The following ZDHHC21 variants were observed in gnomAD, a reference collection of about 807,000 sequenced individuals.
ZDHHC21 encodes the protein zDHHC palmitoyltransferase 21.
A neutral mutation model predicts 34.6 loss-of-function variants in ZDHHC21; 15 were observed. The observed-to-expected ratio is 0.43, with a 90% CI of 0.29 to 0.67. The LOEUF (loss-of-function observed/expected upper bound fraction) is 0.67, where lower values mean the gene tolerates loss of function less well. ZDHHC21 is among the 30% of genes least tolerant of loss of function. The pLI is 0.14. For synonymous variants in ZDHHC21, 142 were observed against 101.8 expected, an observed-to-expected ratio of 1.40 and a Z score of -2.38; for missense variants, 344 against 327.7, an observed-to-expected ratio of 1.05 and a Z score of -0.38.
At chr9:14,600,638 G>A in the ZDHHC21 span, among the ~76,000 whole-genome samples, 1 of 152,006 alleles carries the variant, frequency 6.6e-6, no homozygotes, top group East Asian at 1.9e-4. Flanking sequence ...CACAGAACTA[G>A]AAAATACTAC....
chr9:14,597,786 G>A, the ZDHHC21 span, among the ~76,000 whole-genome samples: 1 of 152,134 alleles, frequency 6.6e-6, no homozygotes, highest in Non-Finnish European at 1.5e-5. Context: ...CAACAGGCCT[G>A]CTCTGCTCAC....
Position 14,614,516 on chromosome 9 carries a change from G to C in ZDHHC21, c.*4450C>G, listed in dbSNP as rs1170028432. 4 of 151,720 alleles carry C rather than the reference G, an allele frequency of 2.6e-5. No individual in the cohort carries two copies. In the South Asian group the frequency reaches 8.3e-4, roughly 31 times the overall value. The allele number at this position is 151,720 out of a possible 1,614,324, so 9.4% of individuals were successfully genotyped here. ...ATTAACATATAGAATTACAACACTG[G>C]TTCAAAATAGTTCAAGCAAGTTGGT... is the stretch of plus-strand genomic sequence containing the variant. On this transcript the variant is annotated 3_prime_UTR_variant, in exon 10 of 10. Transcript: ENST00000380916.
chr9:14,641,380 G>C (rs1353657070), intron 7 of ZDHHC21, among the ~76,000 whole-genome samples: 1 of 152,074 alleles, frequency 6.6e-6, no homozygotes, highest in Non-Finnish European at 1.5e-5. Context: ...AAAATGATGG[G>C]CCTGTGGATG....
In ZDHHC21 at chr9:14,611,705, C is replaced by T. The variant is rs1823328756; in HGVS notation, c.*7261G>A. ...CATTAAACTTGCCAGTTAGATCACA[C>T]ACAAAAAAACACTAATTCCAGGGAC... is the stretch of plus-strand genomic sequence containing the variant. On this transcript the variant is annotated 3_prime_UTR_variant, in exon 10 of 10. Coordinates refer to ENST00000380916, the MANE Select transcript of ZDHHC21 (RefSeq NM_178566.6). 6.6e-6 allele frequency: 1 copy of T among 151,894 alleles called. No homozygotes were observed. Among genetic ancestry groups the T allele is most frequent in the Non-Finnish European group, 1.5e-5 (1 of 67,902 alleles). 9.4% of individuals were successfully genotyped at this position (151,894 alleles called of 1,614,324 possible). A position where few individuals can be genotyped will look rare whatever the true frequency, so the allele number is the denominator to read the frequency against.
chr9:14,640,121 A>C, intron 7 of ZDHHC21, 109 bp from the exon 8 acceptor site: 1 of 563,136 alleles, frequency 1.8e-6, no homozygotes, highest in Non-Finnish European at 3.2e-6. Flanking sequence ...ATTATCTTAA[A>C]AGAACTACCT....
chr9:14,647,750 C>CT (rs1313551802), intron 7 of ZDHHC21, among the ~76,000 whole-genome samples: 1 of 152,102 alleles, frequency 6.6e-6, no homozygotes, highest in Non-Finnish European at 1.5e-5. Context: ...AGTCACCTTT[C>CT]TTATTACCTT....
chr9:14,662,368 G>A (rs749328105), intron 5 of ZDHHC21, 42 bp from the exon 6 acceptor site: 3 of 1,442,956 alleles, frequency 2.1e-6, no homozygotes, highest in Middle Eastern at 1.8e-4. Flanking sequence ...AAGGCAAGTG[G>A]GTAATGCTGA....
chr9:14,621,446 C>T (rs1825290083), intron 8 of ZDHHC21, among the ~76,000 whole-genome samples: 1 of 152,090 alleles, frequency 6.6e-6, no homozygotes, highest in South Asian at 2.1e-4. Context: ...CTTTTATTTT[C>T]AAGTGTTTTT....
chr9:14,633,560 C>G (rs529766006), intron 8 of ZDHHC21, among the ~76,000 whole-genome samples: 7 of 152,264 alleles, frequency 4.6e-5, no homozygotes, highest in Admixed American at 3.9e-4. Context: ...CAGCCCTCAC[C>G]AGACTGTATC....
In ZDHHC21 at chr9:14,643,696, T is replaced by C. The variant is rs986330160; in HGVS notation, c.505-3684A>G. On this transcript the variant is annotated intron_variant, in intron 7 of 9. Coordinates refer to ENST00000380916, the MANE Select transcript of ZDHHC21 (RefSeq NM_178566.6). The stretch of plus-strand genomic sequence containing the variant: ...GTCACTAATTCACATAGAATTATTA[T>C]TTAATTTTTTTGTGCACAGTGAAAG... Among the ~76,000 whole-genome samples the C allele has an allele frequency of 1.4e-4, 22 of 152,348 alleles. No individual in the cohort carries two copies. In the South Asian group the frequency reaches 2.5e-3, roughly 17 times the overall value.
At chr9:14,685,195 T>G (rs1436820911) in intron 2 of ZDHHC21, among the ~76,000 whole-genome samples, 1 of 151,104 alleles carries the variant, frequency 6.6e-6, no homozygotes, top group Admixed American at 6.6e-5. Context: ...AAGCCAAAAT[T>G]GACAAACGGG....
At chr9:14,591,785 CTT>C in the ZDHHC21 span, among the ~76,000 whole-genome samples, 1 of 152,052 alleles carries the variant, frequency 6.6e-6, no homozygotes, top group African/African-American at 2.4e-5. Flanking sequence ...AAATTATAAC[CTT>C]TCAGTATATC....
At chr9:14,678,583 A>T (rs1315411841) in intron 3 of ZDHHC21, among the ~76,000 whole-genome samples, 1 of 152,112 alleles carries the variant, frequency 6.6e-6, no homozygotes, top group Non-Finnish European at 1.5e-5. Flanking sequence ...TGGGCATGTA[A>T]GCTGATACAA....
intron 7 of ZDHHC21, among the ~76,000 whole-genome samples, chr9:14,650,713 C>G (rs947354153): frequency 6.6e-6 from 1 of 151,922 alleles, no homozygotes; most frequent in African/African-American, 2.4e-5. Context: ...AGGAACAGTT[C>G]TGACATCAAA....
downstream of ZDHHC21, among the ~76,000 whole-genome samples, chr9:14,608,479 C>T (rs1358074047): frequency 2.0e-5 from 3 of 152,118 alleles, no homozygotes; most frequent in Non-Finnish European, 4.4e-5. Context: ...CTAATTTCCT[C>T]AATAGTCTGG....
At position 14,625,662 on chromosome 9, in the gene ZDHHC21, G is replaced by A. The variant is rs570783295; in HGVS notation, c.622-5980C>T. ...ACTGCCTACTACCTACTTTTTGAGAGGGCTTGGAAAGAAATACCTCAATTA... is the reference window on the plus strand; with the variant it reads ...ACTGCCTACTACCTACTTTTTGAGAAGGCTTGGAAAGAAATACCTCAATTA... On this transcript the variant is annotated intron_variant, in intron 8 of 9. Coordinates refer to ENST00000380916, the MANE Select transcript of ZDHHC21 (RefSeq NM_178566.6). Among the ~76,000 whole-genome samples, 45 of 151,956 alleles carry A rather than the reference G, an allele frequency of 3.0e-4. 1 individual carries two copies. Among genetic ancestry groups the A allele is most frequent in the African/African-American group, 9.2e-4 (38 of 41,506 alleles).
intron 8 of ZDHHC21, among the ~76,000 whole-genome samples, chr9:14,636,788 C>A (rs772764742): frequency 2.0e-5 from 3 of 152,086 alleles, no homozygotes; most frequent in Non-Finnish European, 4.4e-5. Context: ...GGAAATTAAG[C>A]AACGTGGTTC....
chr9:14,625,355 A>T (rs1285918685), intron 8 of ZDHHC21, among the ~76,000 whole-genome samples: 1 of 152,032 alleles, frequency 6.6e-6, no homozygotes, highest in Non-Finnish European at 1.5e-5. Context: ...AGGGATCTGA[A>T]GTTCACATAA....
intron 7 of ZDHHC21, among the ~76,000 whole-genome samples, chr9:14,640,976 G>GCTA (rs1310555916): frequency 6.6e-6 from 1 of 152,152 alleles, no homozygotes; most frequent in African/African-American, 2.4e-5. Flanking sequence ...ATCTGCTGTT[G>GCTA]CTAAGCTGTG....
Sources: gnomAD v4.1 joint callset for allele counts (sites outside exome capture counted in the v4.1 genomes callset) on GRCh38, gnomAD v4.1.1 for gene constraint, MANE v1.5 for transcripts, NCBI Gene and HGNC (gene_info 2026-07-23, HGNC 2026-07-21) for gene names.